The following SYTL5 variants were observed in gnomAD, a reference collection of about 807,000 sequenced individuals.
The protein encoded by SYTL5 is synaptotagmin like 5.
In SYTL5, 34 loss-of-function variants were observed where a neutral mutation model predicts 55.9. That is an observed-to-expected ratio of 0.61 (90% CI 0.46 to 0.81). The LOEUF is 0.81. Among genes scored for constraint, SYTL5 ranks in the 30% least tolerant of loss-of-function variants. SYTL5 has a pLI of 0.00. For synonymous variants in SYTL5, 221 were observed against 188.7 expected (o/e 1.17, Z -1.40); for missense variants, 637 against 546.7 (o/e 1.17, Z -1.65).
the SYTL5 span, among the ~76,000 whole-genome samples, chrX:37,892,194 G>A: frequency 1.8e-5 from 2 of 110,257 alleles, no homozygotes; most frequent in Non-Finnish European, 3.8e-5. Flanking sequence ...CTTTTAAGTA[G>A]AGCAGTAAAT....
intron 6 of SYTL5, among the ~76,000 whole-genome samples, chrX:38,088,370 T>C (rs1936709357): frequency 1.8e-5 from 2 of 112,281 alleles, no homozygotes; most frequent in Admixed American, 9.5e-5. Context: ...ATGTGTACTA[T>C]TATATGTGCA....
the SYTL5 span, among the ~76,000 whole-genome samples, chrX:37,922,354 T>G: frequency 8.9e-6 from 1 of 111,842 alleles, no homozygotes; most frequent in Non-Finnish European, 1.9e-5. Context: ...AGTTATAATG[T>G]CCAAATATTC....
At chrX:37,893,357 A>G in the SYTL5 span, among the ~76,000 whole-genome samples, 4 of 98,963 alleles carry the variant, frequency 4.0e-5, no homozygotes, top group Non-Finnish European at 8.0e-5. Context: ...TATATAACAT[A>G]CTACACTATA....
chrX:38,069,922 G>C (rs775921606), intron 3 of SYTL5, among the ~76,000 whole-genome samples: 1 of 111,643 alleles, frequency 9.0e-6, no homozygotes, highest in Non-Finnish European at 1.9e-5. Flanking sequence ...TTTTGGTTTT[G>C]GTAGGTTATA....
At chrX:37,924,209 G>A in the SYTL5 span, among the ~76,000 whole-genome samples, 2 of 111,602 alleles carry the variant, frequency 1.8e-5, no homozygotes, top group African/African-American at 6.5e-5. Context: ...CAGTAGCTAC[G>A]TAGGGCATCC....
chrX:37,964,078 A>T, the SYTL5 span, among the ~76,000 whole-genome samples: 1 of 111,691 alleles, frequency 9.0e-6, no homozygotes, highest in Non-Finnish European at 1.9e-5. Context: ...CCAATATGAT[A>T]GTATCAGAAG....
intron 2 of SYTL5, among the ~76,000 whole-genome samples, chrX:38,047,451 A>C (rs1007435613): frequency 8.8e-6 from 1 of 113,005 alleles, no homozygotes; most frequent in East Asian, 2.8e-4. Context: ...GCCCCCTTTC[A>C]GCCACAGCTG....
At chrX:37,893,916 T>C in the SYTL5 span, among the ~76,000 whole-genome samples, 1 of 107,836 alleles carries the variant, frequency 9.3e-6, no homozygotes, top group Non-Finnish European at 1.9e-5. Context: ...CAGGTTATGG[T>C]AGAGAACATT....
the SYTL5 span, among the ~76,000 whole-genome samples, chrX:37,899,461 C>G: frequency 0.2 from 22,071 of 111,421 alleles, 4,298 homozygotes; most frequent in African/African-American, 0.61. Context: ...AACTTAGGCT[C>G]AGAAATTTAA....
At chrX:37,921,983 C>G in the SYTL5 span, among the ~76,000 whole-genome samples, 1 of 111,810 alleles carries the variant, frequency 8.9e-6, no homozygotes, top group Non-Finnish European at 1.9e-5. Context: ...ATTTTATGAC[C>G]GTTGCTTGTT....
chrX:38,018,832 A>G (rs1934445927), intron 1 of SYTL5, among the ~76,000 whole-genome samples: 1 of 111,446 alleles, frequency 9.0e-6, no homozygotes, highest in Non-Finnish European at 1.9e-5. Flanking sequence ...TATTGAGATT[A>G]TTCTAAAACG....
At chrX:37,943,855 C>T in the SYTL5 span, among the ~76,000 whole-genome samples, 1 of 111,069 alleles carries the variant, frequency 9.0e-6, no homozygotes, top group African/African-American at 3.3e-5. Flanking sequence ...CAAGCTGAAG[C>T]ATAAGCCTAA....
chrX:37,981,356 C>T, the SYTL5 span, among the ~76,000 whole-genome samples: 1 of 111,314 alleles, frequency 9.0e-6, no homozygotes, highest in South Asian at 3.8e-4. Context: ...AGTGCAGTGG[C>T]GCGATCACAG....
At chrX:38,095,547 T>C (rs1936912165) in intron 8 of SYTL5, among the ~76,000 whole-genome samples, 1 of 112,013 alleles carries the variant, frequency 8.9e-6, no homozygotes, top group African/African-American at 3.2e-5. Flanking sequence ...CTGTAACTTA[T>C]ATTTTCAAAA....
At chrX:37,999,552 C>T in the SYTL5 span, among the ~76,000 whole-genome samples, 1 of 111,528 alleles carries the variant, frequency 9.0e-6, no homozygotes, top group Non-Finnish European at 1.9e-5. Context: ...TTCATCAGCT[C>T]AACTGTGAAG....
the SYTL5 span, among the ~76,000 whole-genome samples, chrX:37,926,088 C>A: frequency 9.0e-6 from 1 of 111,336 alleles, no homozygotes; most frequent in African/African-American, 3.3e-5. Flanking sequence ...GTATCTTTTT[C>A]GTATAATGAC....
intron 13 of SYTL5, among the ~76,000 whole-genome samples, chrX:38,114,336 A>T (rs897461159): frequency 3.6e-5 from 4 of 111,861 alleles, no homozygotes; most frequent in Non-Finnish European, 7.5e-5. Flanking sequence ...CCACCTCTTT[A>T]TCCCAATCTG....
chrX:37,898,607 T>C, the SYTL5 span, among the ~76,000 whole-genome samples: 1 of 112,477 alleles, frequency 8.9e-6, no homozygotes, highest in African/African-American at 3.2e-5. Flanking sequence ...TCTAGTTCTT[T>C]AATATAGTCC....
At chrX:37,903,453 A>T in the SYTL5 span, among the ~76,000 whole-genome samples, 1 of 107,117 alleles carries the variant, frequency 9.3e-6, no homozygotes, top group Non-Finnish European at 1.9e-5. Context: ...TGCAAGGGCA[A>T]AAAACCAAAC....
Sources: gnomAD v4.1 joint callset for allele counts (sites outside exome capture counted in the v4.1 genomes callset) on GRCh38, gnomAD v4.1.1 for gene constraint, MANE v1.5 for transcripts, NCBI Gene and HGNC (gene_info 2026-07-23, HGNC 2026-07-21) for gene names.